The following PHF2 variants were observed in gnomAD, a reference collection of about 807,000 sequenced individuals.
The protein encoded by PHF2 is lysine-specific demethylase PHF2.
Under a neutral mutation model 120.5 loss-of-function variants are expected in PHF2, and 27 were observed. That is an observed-to-expected ratio of 0.22 (90% CI 0.17 to 0.31). The LOEUF (loss-of-function observed/expected upper bound fraction) is 0.31, where lower values mean the gene tolerates loss of function less well. Ranked by LOEUF, PHF2 falls within the 10% of genes least tolerant of loss-of-function variation. PHF2 has a pLI of 1.00. For synonymous variants in PHF2, 568 were observed against 592.5 expected (o/e 0.96, Z 0.60); for missense variants, 1,024 against 1,434.8 (o/e 0.71, Z 4.63).
At chr9:93,600,714 C>A (rs139626048) in intron 1 of PHF2, among the ~76,000 whole-genome samples, 35 of 152,310 alleles carry the variant, frequency 2.3e-4, no homozygotes, top group Admixed American at 4.6e-4. Context: ...AAGCAGCTGG[C>A]ACTGGGGGAG....
chr9:93,631,503 C>T (rs781031295), intron 2 of PHF2, among the ~76,000 whole-genome samples: 5 of 152,218 alleles, frequency 3.3e-5, no homozygotes, highest in Non-Finnish European at 5.9e-5. Flanking sequence ...AATGCATCTG[C>T]CTACGGCAAG....
chr9:93,621,253 T>A (rs888854823), intron 1 of PHF2, among the ~76,000 whole-genome samples: 1 of 152,226 alleles, frequency 6.6e-6, no homozygotes, highest in Admixed American at 6.5e-5. Flanking sequence ...ATGCAGCCCC[T>A]GCCTCTGGCC....
At chr9:93,625,057 G>A (rs1825889932) in intron 1 of PHF2, among the ~76,000 whole-genome samples, 1 of 152,164 alleles carries the variant, frequency 6.6e-6, no homozygotes, top group African/African-American at 2.4e-5. Flanking sequence ...TGCAACCATT[G>A]CCTCTATCTA....
At chr9:93,668,612 A>G (rs1344799076) in intron 17 of PHF2, among the ~76,000 whole-genome samples, 1 of 152,016 alleles carries the variant, frequency 6.6e-6, no homozygotes, top group Non-Finnish European at 1.5e-5. Context: ...GGGGGAGTGG[A>G]GATGGGGACA....
At chr9:93,581,056 G>A (rs931039597) in intron 1 of PHF2, among the ~76,000 whole-genome samples, 1 of 152,142 alleles carries the variant, frequency 6.6e-6, no homozygotes, top group Non-Finnish European at 1.5e-5. Context: ...GTGCTCAGAA[G>A]GTAGAGTGGA....
At chr9:93,675,854 G>T in intron 20 of PHF2, 65 bp downstream of exon 20, 1 of 1,235,878 alleles carries the variant, frequency 8.1e-7, no homozygotes, top group Non-Finnish European at 1.2e-6. Flanking sequence ...GTGGGCTCAG[G>T]TTCCCCAAGG....
intron 17 of PHF2, chr9:93,670,896 G>C: frequency 1.5e-6 from 1 of 666,638 alleles, no homozygotes; most frequent in African/African-American, 2.0e-5. Flanking sequence ...AGGGCAGCGG[G>C]GGTGCAGACA....
intron 3 of PHF2, among the ~76,000 whole-genome samples, chr9:93,637,056 C>T (rs1826105626): frequency 6.6e-6 from 1 of 152,280 alleles, no homozygotes; most frequent in African/African-American, 2.4e-5. Flanking sequence ...CTGAGCTGCC[C>T]TGCAGCCGTT....
Position 93,661,289 on chromosome 9 carries a change from A to G in PHF2, c.1698+729A>G, listed in dbSNP as rs115294956. Among the ~76,000 whole-genome samples, 1,091 of 152,300 alleles carry G rather than the reference A, an allele frequency of 7.2e-3. 19 individuals are homozygous for G. Among genetic ancestry groups the G allele is most frequent in the African/African-American group, 0.025 (1,041 of 41,560 alleles). On this transcript the variant is annotated intron_variant, in intron 12 of 21. Coordinates refer to ENST00000359246, the MANE Select transcript of PHF2 (RefSeq NM_005392.4). Reference sequence around the variant, plus strand: ...CGTTATCTGCTTCCTGGGGGCCAGGAAACTTCAGGGCCGGCATCACAGGGG... The same window carrying G: ...CGTTATCTGCTTCCTGGGGGCCAGGGAACTTCAGGGCCGGCATCACAGGGG...
At chr9:93,664,290 G>A (rs1826635365) in intron 14 of PHF2, among the ~76,000 whole-genome samples, 1 of 152,128 alleles carries the variant, frequency 6.6e-6, no homozygotes, top group Non-Finnish European at 1.5e-5. Flanking sequence ...GGTGTGTTTG[G>A]GTGGTGTGGG....
intron 10 of PHF2, among the ~76,000 whole-genome samples, chr9:93,659,009 C>G (rs958537930): frequency 8.5e-5 from 13 of 152,328 alleles, no homozygotes; most frequent in Middle Eastern, 3.4e-3. Flanking sequence ...GGACCCTCTC[C>G]CAGGCCAGAG....
chr9:93,622,977 G>C (rs1474668080), intron 1 of PHF2, among the ~76,000 whole-genome samples: 1 of 152,212 alleles, frequency 6.6e-6, no homozygotes, highest in Non-Finnish European at 1.5e-5. Flanking sequence ...GCCCTGCTGG[G>C]ATGGTGGCAG....
intron 3 of PHF2, among the ~76,000 whole-genome samples, chr9:93,640,486 G>T (rs1460502673): frequency 6.6e-6 from 1 of 151,788 alleles, no homozygotes; most frequent in Non-Finnish European, 1.5e-5. Context: ...GTCTACTGAT[G>T]AGCCCATCAA....
chr9:93,660,660 G>T, intron 12 of PHF2, 100 bp downstream of exon 12: 1 of 1,166,802 alleles, frequency 8.6e-7, no homozygotes, highest in Non-Finnish European at 1.2e-6. Flanking sequence ...CATTGTCCTT[G>T]TTCCCCAGGG....
intron 5 of PHF2, among the ~76,000 whole-genome samples, chr9:93,650,978 A>G (rs546241352): frequency 2.6e-4 from 39 of 152,198 alleles, no homozygotes; most frequent in African/African-American, 9.4e-4. Flanking sequence ...ATGGTTGTGC[A>G]TGGTGGCTCA....
chr9:93,675,539 G>A (rs1166903045), intron 19 of PHF2, 141 bp from the exon 20 acceptor site: 3 of 646,316 alleles, frequency 4.6e-6, no homozygotes, highest in South Asian at 1.9e-5. Context: ...ATTGTGAGGC[G>A]GCTTCACAGC....
Position 93,660,423 on chromosome 9 carries a change from C to T in PHF2, c.1561C>T (p.Leu521=), listed in dbSNP as rs1482959451. 3.2e-6 allele frequency: 5 copies of T among 1,546,534 alleles called. No homozygotes were observed. Among genetic ancestry groups the T allele is most frequent in the South Asian group, 1.2e-5 (1 of 83,798 alleles). ...TAAGCCCCCAAGGCCCCCCAAAACG[C>T]TGAAGCTCAAAGATGGAGGCAAGAA... ...PPKPPRPPKT[L]KLKDGGKKKG... Residue 521 remains leucine, a synonymous_variant, in exon 12 of 22, where the codon CTG becomes TTG. Coordinates refer to ENST00000359246, the MANE Select transcript of PHF2 (RefSeq NM_005392.4).
chr9:93,586,796 C>G (rs186138424), intron 1 of PHF2, among the ~76,000 whole-genome samples: 1 of 152,200 alleles, frequency 6.6e-6, no homozygotes, highest in South Asian at 2.1e-4. Flanking sequence ...GTTCTAGGCA[C>G]GGGCAGCAGT....
In PHF2 at chr9:93,673,681, G is replaced by C. The variant is rs1253471736; in HGVS notation, c.2445G>C (p.Trp815Cys). The stretch of plus-strand genomic sequence containing the variant: ...CCGACTCCTGCCTGCAGACCACGTG[G>C]GGAGCTGGCCAGGCCAAGGGGAGCT... ...QASDSCLQTT[W>C]GAGQAKGSSL... The change falls in exon 18 of 22, where the codon TGG becomes TGC. Residue 815 changes from tryptophan to cysteine, a missense_variant. Transcript: ENST00000359246. 6.2e-7 allele frequency: 1 copy of C among 1,612,930 alleles called. No individual in the cohort carries two copies. Among genetic ancestry groups the C allele is most frequent in the Admixed American group, 1.7e-5 (1 of 59,988 alleles).
Sources: gnomAD v4.1 joint callset for allele counts (sites outside exome capture counted in the v4.1 genomes callset) on GRCh38, gnomAD v4.1.1 for gene constraint, MANE v1.5 for transcripts, NCBI Gene and HGNC (gene_info 2026-07-23, HGNC 2026-07-21) for gene names.